The following CAMK1D variants were observed in gnomAD, a reference collection of about 807,000 sequenced individuals.
CAMK1D encodes the protein calcium/calmodulin dependent protein kinase ID.
CAMK1D carries 9 observed loss-of-function variants against 47.7 expected under a neutral mutation model. The observed-to-expected ratio is 0.19, with a 90% CI of 0.11 to 0.33. The LOEUF is 0.33. Among genes scored for constraint, CAMK1D ranks in the 10% least tolerant of loss-of-function variants. The pLI, the probability that CAMK1D is intolerant of heterozygous loss-of-function variation, is 1.00. For synonymous variants in CAMK1D, 184 were observed against 184.9 expected (o/e 0.99, Z 0.04); for missense variants, 291 against 488.7 (o/e 0.60, Z 3.81).
At chr10:12,570,680 CAAA>C (rs35160242) in intron 2 of CAMK1D, among the ~76,000 whole-genome samples, 4 of 84,540 alleles carry the variant, frequency 4.7e-5, no homozygotes, top group Non-Finnish European at 4.9e-5. Flanking sequence ...AACTCCATCT[CAAA>C]AAAAAAAAAA....
At chr10:12,578,983 G>A (rs1346586127) in intron 2 of CAMK1D, among the ~76,000 whole-genome samples, 2 of 152,156 alleles carry the variant, frequency 1.3e-5, no homozygotes, top group African/African-American at 2.4e-5. Context: ...CCAGAGGCAC[G>A]AGCAGAAGAC....
chr10:12,433,915 T>G (rs113324675), intron 1 of CAMK1D, among the ~76,000 whole-genome samples: 34 of 152,244 alleles, frequency 2.2e-4, no homozygotes, highest in Non-Finnish European at 4.4e-4. Flanking sequence ...TCCTTCTGTC[T>G]GGATTTAGTT....
intron 7 of CAMK1D, among the ~76,000 whole-genome samples, chr10:12,815,898 CA>C (rs1402415430): frequency 1.4e-4 from 21 of 152,176 alleles, no homozygotes; most frequent in African/African-American, 5.1e-4. Context: ...ATGATGTCAC[CA>C]AAACAGTTCT....
chr10:12,390,999 G>A (rs1838704449), intron 1 of CAMK1D, among the ~76,000 whole-genome samples: 1 of 152,154 alleles, frequency 6.6e-6, no homozygotes. Context: ...TGAGTGAGTA[G>A]GAGGTGGGAA....
chr10:12,638,875 G>T (rs1366402166), intron 2 of CAMK1D, among the ~76,000 whole-genome samples: 1 of 152,144 alleles, frequency 6.6e-6, no homozygotes, highest in Non-Finnish European at 1.5e-5. Flanking sequence ...GTTCACCTCC[G>T]TAGTCCCCGT....
At chr10:12,380,186 G>T (rs1838300183) in intron 1 of CAMK1D, among the ~76,000 whole-genome samples, 1 of 152,134 alleles carries the variant, frequency 6.6e-6, no homozygotes, top group South Asian at 2.1e-4. Context: ...CTGCACTCCA[G>T]CCTGGGTGAC....
intron 1 of CAMK1D, among the ~76,000 whole-genome samples, chr10:12,440,048 CAT>C (rs113973376): frequency 1.1e-4 from 17 of 152,148 alleles, no homozygotes; most frequent in African/African-American, 2.9e-4. Context: ...CCTCCCATAA[CAT>C]GTGGGAATTA....
intron 1 of CAMK1D, among the ~76,000 whole-genome samples, chr10:12,532,051 C>T (rs1835821325): frequency 6.6e-6 from 1 of 152,194 alleles, no homozygotes; most frequent in African/African-American, 2.4e-5. Context: ...TTGGCCAGCC[C>T]AGCCCATCAT....
At chr10:12,393,027 CTT>C (rs542625511) in intron 1 of CAMK1D, among the ~76,000 whole-genome samples, 1 of 143,816 alleles carries the variant, frequency 7.0e-6, no homozygotes, top group African/African-American at 2.5e-5. Context: ...TGAAACATAA[CTT>C]TTTTTTTTTT....
chr10:12,753,078 C>A (rs528990341), intron 3 of CAMK1D, among the ~76,000 whole-genome samples: 1 of 152,202 alleles, frequency 6.6e-6, no homozygotes, highest in African/African-American at 2.4e-5. Context: ...ATGGTGAAAC[C>A]CCATCTCTAC....
intron 1 of CAMK1D, among the ~76,000 whole-genome samples, chr10:12,375,461 T>TC (rs1438712353): frequency 1.3e-5 from 2 of 152,100 alleles, no homozygotes; most frequent in Non-Finnish European, 2.9e-5. Flanking sequence ...TTGCCCTGCC[T>TC]CCCCCCTCAC....
At chr10:12,639,253 A>G (rs7097269) in intron 2 of CAMK1D, among the ~76,000 whole-genome samples, 63,021 of 152,182 alleles carry the variant, frequency 0.41, 13,210 homozygotes, top group East Asian at 0.58. Flanking sequence ...TGGGAGGCCA[A>G]AGCGGGTGGA....
intron 2 of CAMK1D, among the ~76,000 whole-genome samples, chr10:12,661,175 A>G (rs1412856234): frequency 1.3e-5 from 2 of 152,222 alleles, no homozygotes; most frequent in Non-Finnish European, 2.9e-5. Flanking sequence ...CATCCACTAG[A>G]TTCAAGATAA....
At chr10:12,673,152 T>C (rs1840685517) in intron 3 of CAMK1D, among the ~76,000 whole-genome samples, 1 of 152,170 alleles carries the variant, frequency 6.6e-6, no homozygotes, top group South Asian at 2.1e-4. Flanking sequence ...CCCAAAGTGC[T>C]AAGATTATAG....
intron 3 of CAMK1D, among the ~76,000 whole-genome samples, chr10:12,727,916 C>A (rs937704319): frequency 6.6e-6 from 1 of 152,120 alleles, no homozygotes; most frequent in Non-Finnish European, 1.5e-5. Flanking sequence ...CAGGCATGTG[C>A]CACTATGCCC....
chr10:12,672,896 C>CTTTTTTT (rs750447013), intron 3 of CAMK1D, among the ~76,000 whole-genome samples: 7 of 76,496 alleles, frequency 9.2e-5, no homozygotes, highest in African/African-American at 2.5e-4. Flanking sequence ...ATAGGCTTGC[C>CTTTTTTT]TTTTTTTTTT....
intron 4 of CAMK1D, among the ~76,000 whole-genome samples, chr10:12,763,672 G>A (rs966895618): frequency 6.6e-6 from 1 of 152,144 alleles, no homozygotes; most frequent in African/African-American, 2.4e-5. Flanking sequence ...TCCGCTGGGG[G>A]GCAAAATTGC....
At chr10:12,486,218 G>A (rs1328400630) in intron 1 of CAMK1D, among the ~76,000 whole-genome samples, 2 of 151,358 alleles carry the variant, frequency 1.3e-5, no homozygotes, top group Non-Finnish European at 2.9e-5. Flanking sequence ...GAGTACAGTG[G>A]CACGATCCCA....
intron 1 of CAMK1D, among the ~76,000 whole-genome samples, chr10:12,360,141 C>T (rs1018169631): frequency 6.6e-6 from 1 of 152,190 alleles, no homozygotes; most frequent in Admixed American, 6.5e-5. Flanking sequence ...GTCAGTATTT[C>T]TAGTTGTTGA....
Sources: allele counts gnomAD v4.1 joint callset (sites outside exome capture counted in the v4.1 genomes callset), GRCh38; gene constraint gnomAD v4.1.1; transcripts MANE v1.5; gene names NCBI Gene and HGNC (gene_info 2026-07-23, HGNC 2026-07-21).